FOXK1: variants seen among roughly 807,000 people sequenced by gnomAD.
FOXK1 encodes the protein forkhead box K1.
A neutral mutation model predicts 51.9 loss-of-function variants in FOXK1; 19 were observed. The ratio of observed to expected loss-of-function variants is 0.37; its 90% CI spans 0.26 to 0.54. The LOEUF (loss-of-function observed/expected upper bound fraction) is 0.54. Ranked by LOEUF, FOXK1 falls within the 20% of genes least tolerant of loss-of-function variation. The probability of loss-of-function intolerance (pLI) is 0.87; values close to 1 mark genes in which losing one functional copy is unlikely to be tolerated. For missense variants in FOXK1, 870 were observed against 1,032.7 expected, an observed-to-expected ratio of 0.84 and a Z score of 2.16; for synonymous variants, 537 against 482.6, an observed-to-expected ratio of 1.11 and a Z score of -1.48.
At position 4,763,499 on chromosome 7, in the gene FOXK1, A is replaced by C. The variant is rs1185322741; in HGVS notation, c.*1035A>C. 1 of 152,146 alleles carries C rather than the reference A, an allele frequency of 6.6e-6. No individual in the cohort carries two copies. Among genetic ancestry groups the C allele is most frequent in the Non-Finnish European group, 1.5e-5 (1 of 68,128 alleles). The allele number at this position is 152,146 out of a possible 1,614,324, so 9.4% of individuals were successfully genotyped here. On this transcript the variant is annotated 3_prime_UTR_variant, in exon 9 of 9. Coordinates refer to ENST00000328914, the MANE Select transcript of FOXK1 (RefSeq NM_001037165.2). The stretch of plus-strand genomic sequence containing the variant: ...TGATCTGCTGTTTTCAATTGGAACC[A>C]TTTCTCCTGCCTGAAACTCCAGGGC...
At chr7:4,728,239 G>A (rs1583198407) in intron 1 of FOXK1, among the ~76,000 whole-genome samples, 1 of 152,134 alleles carries the variant, frequency 6.6e-6, no homozygotes, top group East Asian at 1.9e-4. Context: ...TCCTAACACA[G>A]CAAAGGCGGT....
chr7:4,719,975 G>A (rs915115945), intron 1 of FOXK1, among the ~76,000 whole-genome samples: 1 of 152,048 alleles, frequency 6.6e-6, no homozygotes, highest in Non-Finnish European at 1.5e-5. Context: ...GGACGCCTGC[G>A]CCCATCCAGA....
rs1468168066 is a variant in FOXK1, at chr7:4,743,040, G to A, written c.746+2017G>A. Among the ~76,000 whole-genome samples, 1 of 152,192 alleles carries A rather than the reference G, an allele frequency of 6.6e-6. No homozygotes were observed. Among genetic ancestry groups the A allele is most frequent in the Non-Finnish European group, 1.5e-5 (1 of 68,044 alleles). ...TCACTTCAGCCCCCCACCTTCCCGG[G>A]CCCGGTTCCCGTCTGAGTCAGTGCT... On this transcript the variant is annotated intron_variant, in intron 2 of 8. Coordinates refer to ENST00000328914, the MANE Select transcript of FOXK1 (RefSeq NM_001037165.2). This position sits in a 1 kb window ranked among gnomAD's most constrained non-coding sequence, Gnocchi z 5.3.
Position 4,683,373 on chromosome 7 carries a change from C to T in FOXK1, c.560+505C>T, listed in dbSNP as rs1779778143. On this transcript the variant is annotated intron_variant, in intron 1 of 8. Transcript: ENST00000328914. This position sits in a 1 kb window ranked among gnomAD's most constrained non-coding sequence, Gnocchi z 4.5. ...TGGCCTGGATCCCTGGGGTCATCTA[C>T]GTCCCTACCCTGCCTAAACACGCAA... 6.6e-6 allele frequency among the ~76,000 whole-genome samples: 1 copy of T among 152,006 alleles called. No homozygotes were observed. Among genetic ancestry groups the T allele is most frequent in the African/African-American group, 2.4e-5 (1 of 41,378 alleles).
At chr7:4,739,720 C>T (rs569209621) in intron 1 of FOXK1, among the ~76,000 whole-genome samples, 17 of 152,342 alleles carry the variant, frequency 1.1e-4, no homozygotes, top group Admixed American at 3.3e-4. Flanking sequence ...ACGCTCTCTG[C>T]GACTCCCGCC....
rs764333164 is a variant in FOXK1, at chr7:4,733,018, G to C, written c.561-7820G>C. 3.3e-5 allele frequency among the ~76,000 whole-genome samples: 5 copies of C among 152,144 alleles called. No individual in the cohort carries two copies. The highest frequency in any genetic ancestry group is 4.8e-5 in the African/African-American group (2 of 41,422). On this transcript the variant is annotated intron_variant, in intron 1 of 8. Coordinates refer to ENST00000328914, the MANE Select transcript of FOXK1 (RefSeq NM_001037165.2). This position sits in a 1 kb window ranked among gnomAD's most constrained non-coding sequence, Gnocchi z 5.0. ...AGTTCTCCTGGGAACTTTCTCCTGA[G>C]AGCCCTGGCTCTCTCCTGCACAGCT...
In FOXK1 at chr7:4,748,335, TC is replaced by T. The variant is rs1562387975; in HGVS notation, c.747-6118del. ...CTATATGGAAATTAAGGATTTAGCT[TC>T]CCCCCTCCCCATCCCAGTAAAGTTA... is the stretch of plus-strand genomic sequence containing the variant. On this transcript the variant is annotated intron_variant, in intron 2 of 8. Transcript: ENST00000328914. This position sits in a 1 kb window ranked among gnomAD's most constrained non-coding sequence, Gnocchi z 4.9. 6.6e-6 allele frequency among the ~76,000 whole-genome samples: 1 copy of T among 152,250 alleles called. No individual in the cohort carries two copies. Among genetic ancestry groups the T allele is most frequent in the East Asian group, 1.9e-4 (1 of 5,180 alleles).
In FOXK1 at chr7:4,753,633, A is replaced by C. The variant is rs1780806743; in HGVS notation, c.747-826A>C. Among the ~76,000 whole-genome samples, 2 of 152,156 alleles carry C rather than the reference A, an allele frequency of 1.3e-5. No homozygotes were observed. Among genetic ancestry groups the C allele is most frequent in the South Asian group, 4.1e-4 (2 of 4,826 alleles). ...TTCTGCACCCACTCTTCGTGTCTTC[A>C]TTGGCTTTCTCTGAATACCTGTAAT... On this transcript the variant is annotated intron_variant, in intron 2 of 8. Transcript: ENST00000328914. This position sits in a 1 kb window ranked among gnomAD's most constrained non-coding sequence, Gnocchi z 4.9.
chr7:4,768,189 G>A lies in FOXK1; in HGVS notation c.*5725G>A, dbSNP rs1429372334. On this transcript the variant is annotated 3_prime_UTR_variant, in exon 9 of 9. Coordinates refer to ENST00000328914, the MANE Select transcript of FOXK1 (RefSeq NM_001037165.2). ...GCTCTGTCGCCCAGGCTGGAGTGCA[G>A]TGGCGTGATCTCGGCTCACTGCAAG... 3 of 130,098 alleles carry A rather than the reference G, an allele frequency of 2.3e-5. No homozygotes were observed. Among genetic ancestry groups the A allele is most frequent in the Middle Eastern group, 4.2e-3 (1 of 238 alleles). The allele number at this position is 130,098 out of a possible 1,614,324, so 8.1% of individuals were successfully genotyped here. A position where few individuals can be genotyped will look rare whatever the true frequency, so the allele number is the denominator to read the frequency against.
intron 5 of FOXK1, among the ~76,000 whole-genome samples, chr7:4,757,761 CAGG>C (rs1780875482): frequency 6.7e-6 from 1 of 150,022 alleles, no homozygotes. Context: ...TTAAAGCTTA[CAGG>C]AGGATGTGCA....
chr7:4,743,479 G>C lies in FOXK1; in HGVS notation c.746+2456G>C, dbSNP rs1261316571. On this transcript the variant is annotated intron_variant, in intron 2 of 8. Coordinates refer to ENST00000328914, the MANE Select transcript of FOXK1 (RefSeq NM_001037165.2). The surrounding 1 kb of genome is among the most constrained non-coding windows in gnomAD (Gnocchi z 5.3). ...GCAGGAGACTGGCTTGAACCCAGGA[G>C]GTGAAGGTTGCAGTGAGCTGAGATC... Among the ~76,000 whole-genome samples the C allele has an allele frequency of 6.6e-6, 1 of 152,198 alleles. No individual in the cohort carries two copies. Among genetic ancestry groups the C allele is most frequent in the Non-Finnish European group, 1.5e-5 (1 of 68,050 alleles).
rs1342119702 is a variant in FOXK1 at position 4,743,789 on chromosome 7, G to A, written c.746+2766G>A. Among the ~76,000 whole-genome samples, 1 of 152,176 alleles carries A rather than the reference G, an allele frequency of 6.6e-6. No homozygotes were observed. The highest frequency in any genetic ancestry group is 6.6e-5 in the Admixed American group (1 of 15,260). ...AGAGAAGCAGGCCAGGCAGCGATCC[G>A]GGGCTCCTGAGGAAGGGCTAGGCCA... On this transcript the variant is annotated intron_variant, in intron 2 of 8. Coordinates refer to ENST00000328914, the MANE Select transcript of FOXK1 (RefSeq NM_001037165.2). The surrounding 1 kb of genome is among the most constrained non-coding windows in gnomAD (Gnocchi z 5.3).
At chr7:4,713,983 C>T (rs888864628) in intron 1 of FOXK1, among the ~76,000 whole-genome samples, 2 of 151,260 alleles carry the variant, frequency 1.3e-5, no homozygotes, top group African/African-American at 4.9e-5. Flanking sequence ...TGCGCCACCA[C>T]GTCCGGCTAA....
intron 1 of FOXK1, among the ~76,000 whole-genome samples, chr7:4,691,126 T>G (rs1236898414): frequency 6.6e-6 from 1 of 152,162 alleles, no homozygotes; most frequent in African/African-American, 2.4e-5. Flanking sequence ...GCGTGTGGCG[T>G]GCTGCCAGGA....
chr7:4,736,559 T>A (rs1268565233), intron 1 of FOXK1, among the ~76,000 whole-genome samples: 1 of 151,952 alleles, frequency 6.6e-6, no homozygotes, highest in African/African-American at 2.4e-5. Context: ...ATTACATGTG[T>A]GTGCCACCAT....
At chr7:4,728,755 A>C (rs1780413434) in intron 1 of FOXK1, among the ~76,000 whole-genome samples, 1 of 151,880 alleles carries the variant, frequency 6.6e-6, no homozygotes, top group African/African-American at 2.4e-5. Context: ...AAAAAAAGAA[A>C]GAAAAGAAAA....
In FOXK1 at chr7:4,715,665, G is replaced by A. The variant is rs1414506173; in HGVS notation, c.561-25173G>A. Among the ~76,000 whole-genome samples the A allele has an allele frequency of 3.3e-5, 5 of 152,216 alleles. No homozygotes were observed. The highest frequency in any genetic ancestry group is 7.3e-5 in the Non-Finnish European group (5 of 68,044). ...ATCCCTTTTGTTCCCTGCTGTGACTGACTGGCAGGAACCTGGGCTTGTCAA... is the reference window on the plus strand; with the variant it reads ...ATCCCTTTTGTTCCCTGCTGTGACTAACTGGCAGGAACCTGGGCTTGTCAA... On this transcript the variant is annotated intron_variant, in intron 1 of 8. Transcript: ENST00000328914. This position sits in a 1 kb window ranked among gnomAD's most constrained non-coding sequence, Gnocchi z 4.5.
Position 4,733,751 on chromosome 7 carries a change from C to G in FOXK1, c.561-7087C>G, listed in dbSNP as rs138718102. On this transcript the variant is annotated intron_variant, in intron 1 of 8. Coordinates refer to ENST00000328914, the MANE Select transcript of FOXK1 (RefSeq NM_001037165.2). This position sits in a 1 kb window ranked among gnomAD's most constrained non-coding sequence, Gnocchi z 5.0. ...AAAACCGGCCTGGCGTCTTCTGGCC[C>G]TTGCTCTTGGGTCTGCTGTTTCTCT... 5.6e-4 allele frequency among the ~76,000 whole-genome samples: 86 copies of G among 152,356 alleles called. No homozygotes were observed. The highest frequency in any genetic ancestry group is 2.0e-3 in the African/African-American group (82 of 41,582).
intron 7 of FOXK1, 187 bp downstream of exon 7, chr7:4,759,782 G>A: frequency 2.6e-6 from 2 of 761,804 alleles, no homozygotes; most frequent in Non-Finnish European, 4.1e-6. Flanking sequence ...TATAATCCCA[G>A]TGCTTTGGGA....
Sources: gnomAD v4.1 joint callset for allele counts (sites outside exome capture counted in the v4.1 genomes callset) on GRCh38, gnomAD v4.1.1 for gene constraint, Gnocchi (gnomAD v3.1) non-coding constraint, MANE v1.5 for transcripts, NCBI Gene and HGNC (gene_info 2026-07-23, HGNC 2026-07-21) for gene names.